Variants in TMEM117 observed in about 807,000 individuals in gnomAD.
The protein encoded by TMEM117 is transmembrane protein 117.
A neutral mutation model predicts 52.4 loss-of-function variants in TMEM117; 27 were observed. That is an observed-to-expected ratio of 0.51 (90% CI 0.38 to 0.71). TMEM117 has a LOEUF of 0.71. Ranked by LOEUF, TMEM117 falls within the 30% of genes least tolerant of loss-of-function variation. The pLI is 0.00. For missense variants in TMEM117, 556 were observed against 630.5 expected, an observed-to-expected ratio of 0.88 and a Z score of 1.26; for synonymous variants, 215 against 206.3, an observed-to-expected ratio of 1.04 and a Z score of -0.36.
intron 5 of TMEM117, among the ~76,000 whole-genome samples, chr12:44,234,386 A>C (rs1449697151): frequency 6.6e-6 from 1 of 151,314 alleles, no homozygotes; most frequent in Non-Finnish European, 1.5e-5. Flanking sequence ...AATTTATTGC[A>C]TGAAGTTGTT....
At chr12:44,197,549 A>C (rs1949437605) in intron 4 of TMEM117, among the ~76,000 whole-genome samples, 1 of 152,170 alleles carries the variant, frequency 6.6e-6, no homozygotes, top group African/African-American at 2.4e-5. Context: ...CTTCTTGCTC[A>C]GCAAAACCAG....
At chr12:43,863,410 C>G (rs1216463250) in intron 2 of TMEM117, among the ~76,000 whole-genome samples, 1 of 152,146 alleles carries the variant, frequency 6.6e-6, no homozygotes, top group African/African-American at 2.4e-5. Flanking sequence ...GAGTTTTCAG[C>G]AGAACATGGA....
At chr12:44,054,473 T>C (rs892521037) in intron 3 of TMEM117, among the ~76,000 whole-genome samples, 2 of 152,206 alleles carry the variant, frequency 1.3e-5, no homozygotes. Flanking sequence ...GTGTTAGTTA[T>C]GATCATTGTG....
At chr12:43,949,255 G>A (rs1945182497) in intron 3 of TMEM117, among the ~76,000 whole-genome samples, 1 of 152,162 alleles carries the variant, frequency 6.6e-6, no homozygotes, top group Non-Finnish European at 1.5e-5. Flanking sequence ...ACTTGGAAGA[G>A]GGCCAAGCGG....
At chr12:44,084,421 G>A (rs1226444649) in intron 3 of TMEM117, among the ~76,000 whole-genome samples, 1 of 151,620 alleles carries the variant, frequency 6.6e-6, no homozygotes, top group Non-Finnish European at 1.5e-5. Flanking sequence ...ACATACTATC[G>A]ATAAAAAGGT....
intron 6 of TMEM117, among the ~76,000 whole-genome samples, chr12:44,362,579 TAA>T (rs35218752): frequency 7.1e-6 from 1 of 141,154 alleles, no homozygotes; most frequent in African/African-American, 2.6e-5. Context: ...ACAAAATAAT[TAA>T]AAAAAAAAAG....
chr12:44,279,049 TGA>T (rs201848583), intron 5 of TMEM117, among the ~76,000 whole-genome samples: 4,642 of 152,286 alleles, frequency 0.03, 105 homozygotes, highest in Admixed American at 0.044. Flanking sequence ...ATAAAGTGCT[TGA>T]GAGTAGATAT....
intron 5 of TMEM117, among the ~76,000 whole-genome samples, chr12:44,297,233 T>G (rs1421596623): frequency 1.3e-5 from 2 of 152,230 alleles, no homozygotes; most frequent in African/African-American, 4.8e-5. Context: ...TATTTAATTT[T>G]ACAGTATCAG....
At chr12:43,947,920 A>G (rs1945159353) in intron 3 of TMEM117, among the ~76,000 whole-genome samples, 1 of 152,174 alleles carries the variant, frequency 6.6e-6, no homozygotes, top group African/African-American at 2.4e-5. Context: ...TTTTGTGTGC[A>G]TGTATGCCAA....
chr12:44,092,322 C>G (rs762153404), intron 3 of TMEM117, among the ~76,000 whole-genome samples: 5 of 152,192 alleles, frequency 3.3e-5, no homozygotes, highest in African/African-American at 4.8e-5. Flanking sequence ...GTCACATCCT[C>G]TGACAGGGTG....
chr12:43,932,503 G>T (rs530165411), intron 2 of TMEM117, among the ~76,000 whole-genome samples: 85 of 151,996 alleles, frequency 5.6e-4, no homozygotes, highest in African/African-American at 2.0e-3. Context: ...TTTACGCTTG[G>T]CTTAAAAGAA....
intron 5 of TMEM117, among the ~76,000 whole-genome samples, chr12:44,220,336 C>T (rs1325508415): frequency 6.6e-6 from 1 of 152,048 alleles, no homozygotes; most frequent in Non-Finnish European, 1.5e-5. Flanking sequence ...AACAGAGAAG[C>T]AAGGGGTTGG....
chr12:44,213,785 A>C (rs1182313082), intron 5 of TMEM117, among the ~76,000 whole-genome samples: 1 of 152,154 alleles, frequency 6.6e-6, no homozygotes, highest in Non-Finnish European at 1.5e-5. Flanking sequence ...TTCAGCTGTG[A>C]TTGTAAGTTT....
intron 3 of TMEM117, among the ~76,000 whole-genome samples, chr12:44,056,790 CAT>C (rs958829490): frequency 1.3e-5 from 2 of 152,114 alleles, no homozygotes; most frequent in East Asian, 1.9e-4. Context: ...CTGTGTATAA[CAT>C]ATATTTTATG....
chr12:43,869,845 C>T lies in TMEM117; in HGVS notation c.277+24917C>T, dbSNP rs375829535. 3.7e-4 allele frequency among the ~76,000 whole-genome samples: 56 copies of T among 152,240 alleles called. 1 individual carries two copies. In the South Asian group the frequency reaches 0.011, roughly 31 times the overall value. ...ATGTGTGCCATGGTGGTTTGTTACA[C>T]AGATTATCCCATCACCCAGGTATTA... is the stretch of plus-strand genomic sequence containing the variant. On this transcript the variant is annotated intron_variant, in intron 2 of 7. Coordinates refer to ENST00000266534, the MANE Select transcript of TMEM117 (RefSeq NM_032256.3).
At chr12:43,921,205 G>A (rs2031056) in intron 2 of TMEM117, among the ~76,000 whole-genome samples, 26,266 of 151,968 alleles carry the variant, frequency 0.17, 3,478 homozygotes, top group African/African-American at 0.36. Context: ...CTACCCACCC[G>A]TCTCTAGCCT....
At chr12:44,299,352 C>T (rs1481414939) in intron 5 of TMEM117, among the ~76,000 whole-genome samples, 1 of 152,028 alleles carries the variant, frequency 6.6e-6, no homozygotes, top group Non-Finnish European at 1.5e-5. Context: ...AGGCTTGTCT[C>T]GAACTCCTGA....
intron 3 of TMEM117, among the ~76,000 whole-genome samples, chr12:44,088,419 A>G (rs1947608745): frequency 6.6e-6 from 1 of 152,202 alleles, no homozygotes; most frequent in Non-Finnish European, 1.5e-5. Flanking sequence ...CACTCAACTA[A>G]TAAAATTAAC....
chr12:44,086,385 T>C (rs1016019413), intron 3 of TMEM117, among the ~76,000 whole-genome samples: 1 of 151,944 alleles, frequency 6.6e-6, no homozygotes, highest in Non-Finnish European at 1.5e-5. Flanking sequence ...AGCTAATTTT[T>C]TTTTGTATTT....
Sources: allele counts gnomAD v4.1 joint callset (sites outside exome capture counted in the v4.1 genomes callset), GRCh38; gene constraint gnomAD v4.1.1; transcripts MANE v1.5; gene names NCBI Gene and HGNC (gene_info 2026-07-23, HGNC 2026-07-21).